Variants in CERKL observed in about 807,000 individuals in gnomAD.
CERKL encodes the protein ceramide kinase-like protein.
Under a neutral mutation model 63.4 loss-of-function variants are expected in CERKL, and 61 were observed. That is an observed-to-expected ratio of 0.96 (90% confidence interval 0.78 to 1.19). The LOEUF (loss-of-function observed/expected upper bound fraction) is 1.19, where lower values mean the gene tolerates loss of function less well. Among genes scored for constraint, CERKL ranks in the 50% most tolerant of loss-of-function variants. CERKL has a pLI of 0.00. For missense variants in CERKL, 675 were observed against 655.5 expected (o/e 1.03, Z -0.33); for synonymous variants, 250 against 230.5 (o/e 1.08, Z -0.77).
intron 1 of CERKL, among the ~76,000 whole-genome samples, chr2:181,652,469 C>T (rs1455963510): frequency 3.9e-5 from 6 of 152,096 alleles, no homozygotes; most frequent in African/African-American, 1.2e-4. Context: ...AAACCCCTCC[C>T]TCTCACCATA....
In CERKL at chr2:181,539,210, T is replaced by G. The variant is rs1687368652; in HGVS notation, c.1420A>C (p.Arg474=). 6.2e-7 allele frequency: 1 copy of G among 1,605,224 alleles called. No individual in the cohort carries two copies. Among genetic ancestry groups the G allele is most frequent in the African/African-American group, 1.3e-5 (1 of 74,816 alleles). Reference sequence around the variant, plus strand: ...GGATTATATCCACCAGTATTATTCCTTGGATGAACTTTTACTTCCTCAACA... The same window carrying G: ...GGATTATATCCACCAGTATTATTCCGTGGATGAACTTTTACTTCCTCAACA... ...YTVEEVKVHP[R]NNTGGYNPEE... The change falls in exon 12 of 13, where the codon AGG becomes CGG. Residue 474 remains arginine, a synonymous_variant. Coordinates refer to ENST00000410087, the MANE Select transcript of CERKL (RefSeq NM_201548.5).
chr2:181,654,106 G>A (rs1045321622), intron 1 of CERKL, among the ~76,000 whole-genome samples: 2 of 151,538 alleles, frequency 1.3e-5, no homozygotes, highest in African/African-American at 4.9e-5. Context: ...GAGTTAATGT[G>A]CTTAAGAAGC....
At chr2:181,614,468 AC>A (rs1228511912) in intron 1 of CERKL, among the ~76,000 whole-genome samples, 1 of 152,190 alleles carries the variant, frequency 6.6e-6, no homozygotes, top group East Asian at 1.9e-4. Flanking sequence ...TTACGGTATC[AC>A]CTTAAGAATG....
At chr2:181,618,564 CCCA>C (rs918714859) in intron 1 of CERKL, among the ~76,000 whole-genome samples, 12 of 151,698 alleles carry the variant, frequency 7.9e-5, no homozygotes, top group African/African-American at 2.7e-4. Context: ...ATTACAGGCG[CCCA>C]CCACCACACC....
chr2:181,636,391 G>C (rs1195129767), intron 1 of CERKL, among the ~76,000 whole-genome samples: 1 of 151,694 alleles, frequency 6.6e-6, no homozygotes, highest in Admixed American at 6.6e-5. Flanking sequence ...ACTGCCCCCT[G>C]ATCTGCTGGA....
Position 181,538,226 on chromosome 2 carries a change from G to T in CERKL, c.1557C>A (p.Ile519=). ...CTTCCATGCTTCCTCCATAAAGACT[G>T]ATAAGTCTTGGATGCAATCTGTAAA... ...EVHIRLHPRL[I]SLYGGSMEEM... Residue 519 remains isoleucine (I), a synonymous_variant, in exon 13 of 13, where the codon ATC becomes ATA. Transcript: ENST00000410087. The T allele has an allele frequency of 1.9e-6, 3 of 1,586,516 alleles. No homozygotes were observed. Among genetic ancestry groups the T allele is most frequent in the East Asian group, 2.2e-5 (1 of 44,712 alleles).
At chr2:181,623,779 T>G (rs1686560511) in intron 1 of CERKL, among the ~76,000 whole-genome samples, 1 of 152,220 alleles carries the variant, frequency 6.6e-6, no homozygotes, top group African/African-American at 2.4e-5. Context: ...GCAGCAAATC[T>G]TGAGCTGACC....
intron 1 of CERKL, among the ~76,000 whole-genome samples, chr2:181,620,288 A>G (rs963624567): frequency 2.0e-5 from 3 of 152,136 alleles, no homozygotes; most frequent in Non-Finnish European, 2.9e-5. Context: ...AAGGATAGTC[A>G]TATGTACTTT....
rs897121923 is a variant in CERKL, at chr2:181,537,744, A to G, written c.*440T>C. On this transcript the variant is annotated 3_prime_UTR_variant, in exon 13 of 13. Transcript: ENST00000410087. ...TGTGTCCAATAAACACATTGTAAAA[A>G]AAAGAATTTGAATTGATATCTAAAA... The G allele has an allele frequency of 2.3e-6, 1 of 442,670 alleles. No individual in the cohort carries two copies. The highest frequency in any genetic ancestry group is 2.0e-5 in the African/African-American group (1 of 49,440). 27.4% of individuals were successfully genotyped at this position (442,670 alleles called of 1,614,324 possible).
intron 2 of CERKL, among the ~76,000 whole-genome samples, chr2:181,577,002 G>A (rs1223351948): frequency 6.6e-6 from 1 of 152,132 alleles, no homozygotes; most frequent in Non-Finnish European, 1.5e-5. Context: ...ATTACCTGAC[G>A]TGCTTCTTAA....
intron 1 of CERKL, among the ~76,000 whole-genome samples, chr2:181,620,667 G>T (rs1418612468): frequency 6.6e-6 from 1 of 152,168 alleles, no homozygotes; most frequent in Non-Finnish European, 1.5e-5. Context: ...AGAGGTAGAA[G>T]AGATTCACCT....
chr2:181,639,066 G>C (rs1687308860), intron 1 of CERKL, among the ~76,000 whole-genome samples: 1 of 152,152 alleles, frequency 6.6e-6, no homozygotes, highest in Non-Finnish European at 1.5e-5. Flanking sequence ...TCATTTCAAG[G>C]TTGACATATT....
intron 2 of CERKL, among the ~76,000 whole-genome samples, chr2:181,581,490 G>C (rs1684509765): frequency 6.6e-6 from 1 of 152,160 alleles, no homozygotes; most frequent in Non-Finnish European, 1.5e-5. Flanking sequence ...GAATCCTGTA[G>C]TTGACAGCCA....
intron 1 of CERKL, among the ~76,000 whole-genome samples, chr2:181,614,168 A>T (rs1015084392): frequency 1.3e-5 from 2 of 152,180 alleles, no homozygotes; most frequent in Admixed American, 1.3e-4. Context: ...GCTAAAGCAG[A>T]AGGCTTCTGA....
intron 2 of CERKL, among the ~76,000 whole-genome samples, chr2:181,574,874 T>C (rs1689060815): frequency 6.6e-6 from 1 of 152,188 alleles, no homozygotes; most frequent in South Asian, 2.1e-4. Flanking sequence ...CAATAAAGTA[T>C]TTCAACAGGA....
At chr2:181,652,803 TCTCA>T (rs1687995610) in intron 1 of CERKL, among the ~76,000 whole-genome samples, 1 of 150,782 alleles carries the variant, frequency 6.6e-6, no homozygotes, top group Non-Finnish European at 1.5e-5. Context: ...TGAGATGAAG[TCTCA>T]CTCTGTTACC....
intron 1 of CERKL, among the ~76,000 whole-genome samples, chr2:181,642,499 T>A (rs1687486189): frequency 1.3e-5 from 2 of 152,206 alleles, no homozygotes; most frequent in Non-Finnish European, 2.9e-5. Context: ...TTACATAAAC[T>A]TAAAGCTCAA....
At chr2:181,545,180 T>C (rs1210572727) in intron 10 of CERKL, among the ~76,000 whole-genome samples, 2 of 152,214 alleles carry the variant, frequency 1.3e-5, no homozygotes, top group Admixed American at 1.3e-4. Flanking sequence ...ACAAGTTGTG[T>C]AACAAATAGC....
intron 2 of CERKL, among the ~76,000 whole-genome samples, chr2:181,594,592 C>T (rs1382127708): frequency 2.0e-5 from 3 of 152,330 alleles, no homozygotes; most frequent in South Asian, 4.1e-4. Flanking sequence ...ACACAGGCTT[C>T]GCCTTTGCCT....
Sources: allele counts gnomAD v4.1 joint callset (sites outside exome capture counted in the v4.1 genomes callset), GRCh38; gene constraint gnomAD v4.1.1; transcripts MANE v1.5; gene names NCBI Gene and HGNC (gene_info 2026-07-23, HGNC 2026-07-21).